Variants in CFAP43 observed in about 807,000 individuals in gnomAD.
The protein encoded by CFAP43 is cilia and flagella associated protein 43, also known as cilia- and flagella-associated protein 43.
CFAP43 carries 155 observed loss-of-function variants against 218.9 expected under a neutral mutation model. That is an observed-to-expected ratio of 0.71 (90% confidence interval 0.62 to 0.81). The LOEUF is 0.81. Among genes scored for constraint, CFAP43 ranks in the 30% least tolerant of loss-of-function variants. The pLI is 0.00. For missense variants in CFAP43, 1,778 were observed against 1,954.3 expected (o/e 0.91, Z 1.70); for synonymous variants, 645 against 681.3 (o/e 0.95, Z 0.83).
chr10:104,185,859 T>A, intron 15 of CFAP43, 115 bp downstream of exon 15: 1 of 821,766 alleles, frequency 1.2e-6, no homozygotes, highest in Non-Finnish European at 1.8e-6. Flanking sequence ...GTACCTTCAA[T>A]ATCTTTTCAG....
chr10:104,157,481 C>A (rs1196767137), intron 27 of CFAP43, among the ~76,000 whole-genome samples: 2 of 152,092 alleles, frequency 1.3e-5, no homozygotes, highest in African/African-American at 4.8e-5. Context: ...CAAAGGGGCT[C>A]AGCGTCTAGC....
chr10:104,212,427 C>T (rs776015334), intron 4 of CFAP43, among the ~76,000 whole-genome samples: 9 of 152,056 alleles, frequency 5.9e-5, no homozygotes, highest in Non-Finnish European at 8.8e-5. Flanking sequence ...GGATGAGGGT[C>T]GGGCAGGTGA....
intron 19 of CFAP43, 87 bp downstream of exon 19, chr10:104,178,942 G>C: frequency 1.1e-6 from 1 of 948,120 alleles, no homozygotes; most frequent in Non-Finnish European, 1.6e-6. Context: ...GGGAGGTATA[G>C]TTCCTCAGGG....
chr10:104,198,006 C>T lies in CFAP43; in HGVS notation c.1128G>A (p.Glu376=). Reference sequence around the variant, plus strand: ...CATCTAGGACTTTATTTAAGGTTGGCTCCTTACCAAAAGTGTAGATATAAA... The same window carrying T: ...CATCTAGGACTTTATTTAAGGTTGGTTCCTTACCAAAAGTGTAGATATAAA... ...GSVYIYTFGK[E]PTLNKVLDAC... Residue 376 remains glutamate (E), a synonymous_variant, in exon 9 of 38, where the codon GAG becomes GAA. Coordinates refer to ENST00000357060, the MANE Select transcript of CFAP43 (RefSeq NM_025145.7). The T allele has an allele frequency of 6.2e-7, 1 of 1,613,288 alleles. No homozygotes were observed. The highest frequency in any genetic ancestry group is 2.2e-5 in the East Asian group (1 of 44,844).
chr10:104,182,939 C>A, intron 16 of CFAP43, among the ~76,000 whole-genome samples: 1 of 152,146 alleles, frequency 6.6e-6, no homozygotes, highest in East Asian at 1.9e-4. Context: ...AGCTTCTTGA[C>A]CTTTCTAGGG....
At chr10:104,142,494 A>G (rs1238934721) in intron 32 of CFAP43, 101 bp from the exon 33 acceptor site, 4 of 723,174 alleles carry the variant, frequency 5.5e-6, no homozygotes, top group African/African-American at 3.6e-5. Flanking sequence ...TAACAGGTCT[A>G]TCTTTCGAAG....
At position 104,132,200 on chromosome 10, in the gene CFAP43, T is replaced by C. The variant is rs1304656072; in HGVS notation, c.4597-4A>G. ...CATAGTTTGGTTCATTTAGGTACTT[T>C]GAGATTAAAAAAAAACATGTAAGGA... On this transcript the variant is annotated splice_region_variant and splice_polypyrimidine_tract_variant and intron_variant, in intron 35 of 37. Transcript: ENST00000357060. 31 of 1,576,870 alleles carry C rather than the reference T, an allele frequency of 2.0e-5. No homozygotes were observed. The highest frequency in any genetic ancestry group is 2.5e-5 in the Non-Finnish European group (29 of 1,161,768).
At chr10:104,143,342 GCT>G in intron 32 of CFAP43, 82 bp downstream of exon 32, 1 of 1,190,134 alleles carries the variant, frequency 8.4e-7, no homozygotes, top group Non-Finnish European at 1.2e-6. Context: ...TAAATAATTA[GCT>G]TTTTTGGTTA....
Position 104,182,367 on chromosome 10 carries a change from G to C in CFAP43, c.2288C>G (p.Thr763Arg). The change falls in exon 17 of 38, where the codon ACA becomes AGA. Residue 763 changes from threonine to arginine, a missense_variant and splice_region_variant. Transcript: ENST00000357060. ...AAGCTAGTCATATAGGAACTCAACT[G>C]TGTGTTCAGAATCGGATCCCAAATC... Reference protein sequence around the residue: ...SVDLGSDSEHTKQKASTDLSQ... With the variant: ...SVDLGSDSEHRKQKASTDLSQ... The C allele has an allele frequency of 6.3e-7, 1 of 1,596,684 alleles. No homozygotes were observed. Among genetic ancestry groups the C allele is most frequent in the Non-Finnish European group, 8.5e-7 (1 of 1,174,406 alleles).
At chr10:104,190,970 C>T (rs2090191390) in intron 12 of CFAP43, among the ~76,000 whole-genome samples, 1 of 152,184 alleles carries the variant, frequency 6.6e-6, no homozygotes, top group Non-Finnish European at 1.5e-5. Context: ...TCTAAGAATT[C>T]AATGGGTGGA....
In CFAP43 at chr10:104,167,604, T is replaced by C. The variant is rs767906178; in HGVS notation, c.2808+17A>G. 3.2e-6 allele frequency: 5 copies of C among 1,568,634 alleles called. No individual in the cohort carries two copies. The highest frequency in any genetic ancestry group is 4.3e-6 in the Non-Finnish European group (5 of 1,156,658). On this transcript the variant is annotated intron_variant, in intron 22 of 37. Transcript: ENST00000357060. ...AGCACATCACTTATATAAACACATG[T>C]ATATTTAAAATAGTACTTTAAGACA... is the stretch of plus-strand genomic sequence containing the variant.
At chr10:104,181,151 GCC>G (rs2089828767) in intron 17 of CFAP43, among the ~76,000 whole-genome samples, 1 of 152,024 alleles carries the variant, frequency 6.6e-6, no homozygotes. Context: ...CTTCATAGCT[GCC>G]CCCTTCCCCC....
chr10:104,157,778 G>GT (rs2088648057), intron 27 of CFAP43, among the ~76,000 whole-genome samples: 2 of 90,540 alleles, frequency 2.2e-5, no homozygotes, highest in African/African-American at 8.7e-5. Context: ...GTGTGTGTGA[G>GT]AGAGAGAGAG....
At chr10:104,231,051 C>T (rs1387989366) in intron 1 of CFAP43, among the ~76,000 whole-genome samples, 4 of 152,098 alleles carry the variant, frequency 2.6e-5, no homozygotes, top group Non-Finnish European at 4.4e-5. Context: ...ACCTAAAGTT[C>T]CGTAGGTCTC....
chr10:104,157,525 T>C lies in CFAP43; in HGVS notation c.3540+3512A>G, dbSNP rs1288483412. Among the ~76,000 whole-genome samples the C allele has an allele frequency of 2.0e-5, 3 of 151,960 alleles. No homozygotes were observed. In the East Asian group the frequency reaches 5.8e-4, roughly 29 times the overall value. On this transcript the variant is annotated intron_variant, in intron 27 of 37. Transcript: ENST00000357060. The stretch of plus-strand genomic sequence containing the variant: ...AATCTCTGGGAAGAGGCAGAGATAG[T>C]TTGGTGAAAAAAACATAGGGGGTAG...
At position 104,208,269 on chromosome 10, in the gene CFAP43, C is replaced by G. The variant is rs543431031; in HGVS notation, c.736-445G>C. ...AACCTTAAACTATAAATCACAAAGA[C>G]AGACTTAACTGAAATGACAATAGGA... On this transcript the variant is annotated intron_variant, in intron 5 of 37. Coordinates refer to ENST00000357060, the MANE Select transcript of CFAP43 (RefSeq NM_025145.7). Among the ~76,000 whole-genome samples the G allele has an allele frequency of 4.6e-5, 7 of 152,236 alleles. No homozygotes were observed. The South Asian group carries it at 1.5e-3, about 32-fold the overall frequency.
rs760985685 is a variant in CFAP43 at position 104,130,246 on chromosome 10, G to C, written c.4891C>G (p.Gln1631Glu). The part of the protein sequence containing the change: ...KERYENMMQQ[Q>E]KLTNISKQQA... ...TGTTTTGAAATATTTGTTAACTTCT[G>C]CTGTTGCATCATGTTTTCATACCGT... The change falls in exon 38 of 38, where the codon CAG becomes GAG. Residue 1631 changes from glutamine (Q) to glutamate (E), a missense_variant. Transcript: ENST00000357060. 15 of 1,613,064 alleles carry C rather than the reference G, an allele frequency of 9.3e-6. 1 individual carries two copies. The highest frequency in any genetic ancestry group is 1.7e-4 in the Middle Eastern group (1 of 6,054).
Position 104,225,550 on chromosome 10 carries a change from A to AATGTT in CFAP43, c.322_326dup (p.Leu110ThrfsTer50). 6.2e-7 allele frequency: 1 copy of AATGTT among 1,609,570 alleles called. No individual in the cohort carries two copies. Among genetic ancestry groups the AATGTT allele is most frequent in the Non-Finnish European group, 8.5e-7 (1 of 1,177,752 alleles). On this transcript the variant is annotated frameshift_variant, in exon 3 of 38. Transcript: ENST00000357060. LOFTEE classifies it high-confidence loss of function. Reference sequence around the variant, plus strand: ...ATGAAAGTAAAGTGTAGTCCAGGAGAATGTTGCCTAAAATATAAAATCCAT... The same window carrying AATGTT: ...ATGAAAGTAAAGTGTAGTCCAGGAGAATGTTATGTTGCCTAAAATATAAAATCCAT...
At chr10:104,214,994 G>A (rs1589797573) in intron 3 of CFAP43, among the ~76,000 whole-genome samples, 1 of 152,146 alleles carries the variant, frequency 6.6e-6, no homozygotes, top group Admixed American at 6.5e-5. Flanking sequence ...AATTAGCTGG[G>A]TATGGTGGCA....
Sources: allele counts gnomAD v4.1 joint callset (sites outside exome capture counted in the v4.1 genomes callset), GRCh38; gene constraint gnomAD v4.1.1; transcripts MANE v1.5; gene names NCBI Gene and HGNC (gene_info 2026-07-23, HGNC 2026-07-21).